Variants in GPR137 observed in about 807,000 individuals in gnomAD.
GPR137 encodes integral membrane protein GPR137.
Under a neutral mutation model 38.9 loss-of-function variants are expected in GPR137, and 20 were observed. The ratio of observed to expected loss-of-function variants is 0.51; its 90% confidence interval spans 0.36 to 0.75. The LOEUF is 0.75. Among genes scored for constraint, GPR137 ranks in the 30% least tolerant of loss-of-function variants. The pLI is 0.00. For synonymous variants in GPR137, 226 were observed against 235.8 expected, an observed-to-expected ratio of 0.96 and a Z score of 0.38; for missense variants, 456 against 526.4, an observed-to-expected ratio of 0.87 and a Z score of 1.31.
upstream of GPR137, among the ~76,000 whole-genome samples, chr11:64,282,780 G>A (rs2033563976): frequency 6.6e-6 from 1 of 151,646 alleles, no homozygotes; most frequent in South Asian, 2.1e-4. Flanking sequence ...TCTGGAGGCT[G>A]AGGCAGGAGA....
At chr11:64,285,814 C>T, upstream of GPR137, 1 of 985,244 alleles carries the variant, frequency 1.0e-6, no homozygotes, top group Non-Finnish European at 1.2e-6. Context: ...GCGTAGCGAA[C>T]GGCGCCCGCG....
At position 64,287,796 on chromosome 11, in the gene GPR137, CCAT is replaced by C; in HGVS notation, c.485_487del (p.His162del). 6.2e-7 allele frequency: 1 copy of C among 1,607,286 alleles called. No homozygotes were observed. The highest frequency in any genetic ancestry group is 8.5e-7 in the Non-Finnish European group (1 of 1,179,920). ...TGAACGTGCTGTGTGCTGTGCTCTC[CCAT>C]CGGCGCCGGGCACAGCCCTGGGCCC... On this transcript the variant is annotated inframe_deletion, in exon 3 of 7. Transcript: ENST00000438980.
chr11:64,271,562 G>T, upstream of GPR137: 2 of 1,362,270 alleles, frequency 1.5e-6, no homozygotes, highest in Non-Finnish European at 1.9e-6. Context: ...ACAGACCGGC[G>T]GGGGGCGGCC....
Position 64,286,772 on chromosome 11 carries a change from A to T in GPR137, c.248A>T (p.Asp83Val), listed in dbSNP as rs1328482986. 1.2e-6 allele frequency: 2 copies of T among 1,610,912 alleles called. No individual in the cohort carries two copies. Among genetic ancestry groups the T allele is most frequent in the Non-Finnish European group, 1.7e-6 (2 of 1,178,228 alleles). The change falls in exon 1 of 7, where the codon GAT becomes GTT. Residue 83 changes from aspartate (D) to valine (V), a missense_variant. Transcript: ENST00000438980. ...ACCCTCTTCTCCTTCTACTTCCGAG[A>T]TACTCCCCGCGCCAACCGCCTGGGG... is the stretch of plus-strand genomic sequence containing the variant. Reference protein sequence around the residue: ...RTTLFSFYFRDTPRANRLGPL... With the variant: ...RTTLFSFYFRVTPRANRLGPL...
chr11:64,287,608 C>A, intron 2 of GPR137, 113 bp from the exon 3 acceptor site: 1 of 1,545,720 alleles, frequency 6.5e-7, no homozygotes, highest in Non-Finnish European at 8.7e-7. Context: ...AGGAACAGGG[C>A]TCAGACTGGA....
chr11:64,286,909 G>T (rs200783826), intron 1 of GPR137, 28 bp downstream of exon 1: 4 of 1,437,304 alleles, frequency 2.8e-6, no homozygotes, highest in African/African-American at 1.4e-5. Flanking sequence ...CGGGTGGGGG[G>T]CGGGAGGTGG....
chr11:64,285,449 T>A, upstream of GPR137: 1 of 983,706 alleles, frequency 1.0e-6, no homozygotes, highest in Non-Finnish European at 1.2e-6. Flanking sequence ...CTCCGCGGGT[T>A]CAGGCCCGGG....
Position 64,289,453 on chromosome 11 carries a change from C to T in GPR137, c.*257C>T. ...GCTTCCACACCGGAGCCAGCTACCT[C>T]TCCTGTGCCTGCCACTCAATAAACA... On this transcript the variant is annotated 3_prime_UTR_variant, in exon 7 of 7. Transcript: ENST00000438980. 6.6e-7 allele frequency: 1 copy of T among 1,504,318 alleles called. No individual in the cohort carries two copies. Among genetic ancestry groups the T allele is most frequent in the Non-Finnish European group, 8.8e-7 (1 of 1,132,608 alleles). 93.2% of individuals were successfully genotyped at this position (1,504,318 alleles called of 1,614,324 possible).
At position 64,286,264 on chromosome 11, in the gene GPR137, C is replaced by A. The variant is rs1302696039; in HGVS notation, c.-261C>A. 19 of 1,326,140 alleles carry A rather than the reference C, an allele frequency of 1.4e-5. No individual in the cohort carries two copies. Among genetic ancestry groups the A allele is most frequent in the East Asian group, 5.8e-5 (2 of 34,380 alleles). The allele number at this position is 1,326,140 out of a possible 1,614,324, so 82.1% of individuals were successfully genotyped here. ...GCCCAGGGAGGAGACACCCCCAACCCCTATCCGGTCTGTCCTGGAGAAAAG... is the reference window on the plus strand; with the variant it reads ...GCCCAGGGAGGAGACACCCCCAACCACTATCCGGTCTGTCCTGGAGAAAAG... On this transcript the variant is annotated 5_prime_UTR_variant, in exon 1 of 7. Coordinates refer to ENST00000438980, the MANE Select transcript of GPR137 (RefSeq NM_001170880.2).
chr11:64,284,253 CGAT>C (rs1365587927), upstream of GPR137: 5 of 1,610,904 alleles, frequency 3.1e-6, no homozygotes, highest in African/African-American at 2.7e-5. Flanking sequence ...TGGGGCCTGG[CGAT>C]GATGCTTGCC....
chr11:64,284,381 G>A (rs75052600), upstream of GPR137: 4,871 of 1,612,466 alleles, frequency 3.0e-3, 127 homozygotes, highest in African/African-American at 0.051. Flanking sequence ...TCTGGGCTGT[G>A]AGGACAAGAT....
At chr11:64,284,640 G>C (rs966478908), upstream of GPR137, 6 of 1,530,132 alleles carry the variant, frequency 3.9e-6, no homozygotes, top group Middle Eastern at 1.7e-4. Flanking sequence ...CCCCAAGCCC[G>C]ATCTCGAGGC....
rs1324112424 is a variant in GPR137 at position 64,286,142 on chromosome 11, C to A, written c.-383C>A. On this transcript the variant is annotated 5_prime_UTR_variant, in exon 1 of 7. Coordinates refer to ENST00000438980, the MANE Select transcript of GPR137 (RefSeq NM_001170880.2). The stretch of plus-strand genomic sequence containing the variant: ...GCTGCCCTGACCCGACGGGTATCAG[C>A]CGGCTCTCCCCCTCCACCCAGGACG... The A allele has an allele frequency of 2.0e-6, 2 of 1,023,634 alleles. No homozygotes were observed. The highest frequency in any genetic ancestry group is 1.2e-6 in the Non-Finnish European group (1 of 855,304). 63.4% of individuals were successfully genotyped at this position (1,023,634 alleles called of 1,614,324 possible). A position where few individuals can be genotyped will look rare whatever the true frequency, so the allele number is the denominator to read the frequency against.
At chr11:64,279,043 TGTC>T (rs2033254217) in intron 2 of GPR137, among the ~76,000 whole-genome samples, 1 of 151,832 alleles carries the variant, frequency 6.6e-6, no homozygotes, top group Non-Finnish European at 1.5e-5. Context: ...TGGGGGGAGG[TGTC>T]GTCCCTGGCC....
chr11:64,281,220 A>G (rs2033448113), upstream of GPR137, among the ~76,000 whole-genome samples: 1 of 150,464 alleles, frequency 6.6e-6, no homozygotes, highest in African/African-American at 2.5e-5. Flanking sequence ...CCCACCTCGA[A>G]CTACCAAAGT....
chr11:64,282,203 G>A (rs1259475733), upstream of GPR137, among the ~76,000 whole-genome samples: 1 of 152,230 alleles, frequency 6.6e-6, no homozygotes, highest in African/African-American at 2.4e-5. Context: ...CACACGGTGA[G>A]CACTCACTGT....
At chr11:64,278,012 A>G (rs1307639348) in intron 2 of GPR137, among the ~76,000 whole-genome samples, 3 of 152,040 alleles carry the variant, frequency 2.0e-5, no homozygotes, top group Non-Finnish European at 2.9e-5. Flanking sequence ...TATAGGCCCA[A>G]TGTGGTGGCT....
At chr11:64,276,932 G>C (rs1318152918) in intron 2 of GPR137, 2 of 761,270 alleles carry the variant, frequency 2.6e-6, no homozygotes, top group Non-Finnish European at 4.9e-6. Context: ...TGCGTGTTGG[G>C]CTTCTGAGTC....
intron 2 of GPR137, chr11:64,276,826 AG>A: frequency 1.4e-6 from 1 of 698,096 alleles, no homozygotes; most frequent in Non-Finnish European, 2.6e-6. Context: ...CCATCCGCCT[AG>A]AGCCTGGCCC....
Sources: allele counts gnomAD v4.1 joint callset (sites outside exome capture counted in the v4.1 genomes callset), GRCh38; gene constraint gnomAD v4.1.1; transcripts MANE v1.5; gene names NCBI Gene and HGNC (gene_info 2026-07-23, HGNC 2026-07-21).